Variants in LY96 observed in about 807,000 individuals in gnomAD.
LY96 encodes lymphocyte antigen 96, also known as myeloid differentiation protein-2.
LY96 carries 18 observed loss-of-function variants against 18.9 expected under a neutral mutation model. That is an observed-to-expected ratio of 0.95 (90% CI 0.66 to 1.41). LY96 has a LOEUF of 1.41. Ranked by LOEUF, LY96 falls within the 40% of genes most tolerant of loss-of-function variation. The pLI is 0.00. For synonymous variants in LY96, 66 were observed against 62.6 expected, an observed-to-expected ratio of 1.06 and a Z score of -0.26; for missense variants, 175 against 182.4, an observed-to-expected ratio of 0.96 and a Z score of 0.23.
At chr8:74,022,930 C>A (rs981228294) in intron 3 of LY96, among the ~76,000 whole-genome samples, 1 of 152,114 alleles carries the variant, frequency 6.6e-6, no homozygotes, top group African/African-American at 2.4e-5. Context: ...ATCCATCTTC[C>A]TCCCCTGCCC....
At chr8:74,075,858 T>C in the LY96 span, among the ~76,000 whole-genome samples, 3 of 152,110 alleles carry the variant, frequency 2.0e-5, no homozygotes, top group African/African-American at 4.8e-5. Context: ...CTGTTGCAAA[T>C]TGGATTCTCT....
chr8:74,053,322 T>A, the LY96 span, among the ~76,000 whole-genome samples: 1 of 152,230 alleles, frequency 6.6e-6, no homozygotes, highest in Non-Finnish European at 1.5e-5. Context: ...ATCTAACCCA[T>A]ATCTCAGTCA....
chr8:74,068,958 C>T, the LY96 span, among the ~76,000 whole-genome samples: 1 of 152,184 alleles, frequency 6.6e-6, no homozygotes, highest in African/African-American at 2.4e-5. Context: ...CCATGCCTGG[C>T]TAATTTTTGC....
At chr8:74,018,767 A>T (rs1816696805) in intron 3 of LY96, among the ~76,000 whole-genome samples, 1 of 152,224 alleles carries the variant, frequency 6.6e-6, no homozygotes, top group African/African-American at 2.4e-5. Context: ...GGATTAAGAA[A>T]CTCACTAAAA....
At chr8:74,014,527 G>A (rs993011568) in intron 3 of LY96, among the ~76,000 whole-genome samples, 2 of 148,738 alleles carry the variant, frequency 1.3e-5, no homozygotes, top group African/African-American at 5.0e-5. Flanking sequence ...ATGAGTTCTG[G>A]CTTGGGCATG....
At chr8:74,027,349 CCCAGG>C (rs983828008) in intron 4 of LY96, among the ~76,000 whole-genome samples, 1 of 149,994 alleles carries the variant, frequency 6.7e-6, no homozygotes, top group Non-Finnish European at 1.5e-5. Context: ...TGCTCTGTTG[CCCAGG>C]CTGGAGTGAA....
chr8:74,063,662 T>C, the LY96 span, among the ~76,000 whole-genome samples: 1 of 152,086 alleles, frequency 6.6e-6, no homozygotes. Flanking sequence ...TCTATTTATT[T>C]AGATCTATGA....
At chr8:74,056,665 C>G in the LY96 span, 2 of 153,072 alleles carry the variant, frequency 1.3e-5, no homozygotes, top group African/African-American at 4.8e-5. Context: ...AGACTTTTAA[C>G]GGTGACAAAA....
chr8:74,092,453 C>T, the LY96 span, among the ~76,000 whole-genome samples: 39 of 152,196 alleles, frequency 2.6e-4, no homozygotes, highest in Non-Finnish European at 1.2e-4. Context: ...CTCTTCTATA[C>T]AAGTTGCCAT....
At chr8:74,067,777 C>T in the LY96 span, among the ~76,000 whole-genome samples, 2 of 151,830 alleles carry the variant, frequency 1.3e-5, no homozygotes, top group African/African-American at 4.8e-5. Context: ...TAAAACATTT[C>T]CAGACCGGGC....
rs1239851286 is a variant in LY96 at position 74,002,086 on chromosome 8, T to C, written c.113-2710T>C. Among the ~76,000 whole-genome samples, 4 of 33,494 alleles carry C rather than the reference T, an allele frequency of 1.2e-4. 1 individual carries two copies. The highest frequency in any genetic ancestry group is 2.2e-4 in the Non-Finnish European group (4 of 17,824). 22.0% of individuals were successfully genotyped at this position (33,494 alleles called of 152,430 possible). On this transcript the variant is annotated intron_variant, in intron 1 of 4. Coordinates refer to ENST00000284818, the MANE Select transcript of LY96 (RefSeq NM_015364.5). ...TCCTTCCTTCCTTCCTTTCTTTCTT[T>C]CTTTCTTTCTCTCTCTCTCTCTCTC... is the stretch of plus-strand genomic sequence containing the variant.
At chr8:74,059,681 C>G in the LY96 span, among the ~76,000 whole-genome samples, 9 of 152,230 alleles carry the variant, frequency 5.9e-5, 1 homozygote, top group African/African-American at 2.2e-4. Flanking sequence ...AAATGGATTA[C>G]AGGTCTAAAT....
At chr8:74,093,083 T>C in the LY96 span, among the ~76,000 whole-genome samples, 1 of 152,206 alleles carries the variant, frequency 6.6e-6, no homozygotes, top group African/African-American at 2.4e-5. Flanking sequence ...CTCTCTACCT[T>C]GTCATTCTGG....
the LY96 span, among the ~76,000 whole-genome samples, chr8:74,040,502 A>T: frequency 6.6e-6 from 1 of 152,024 alleles, no homozygotes; most frequent in Non-Finnish European, 1.5e-5. Context: ...TTTTGATTTG[A>T]TTTGTATACA....
chr8:74,010,037 T>A lies in LY96; in HGVS notation c.239T>A (p.Ile80Lys). The stretch of plus-strand genomic sequence containing the variant: ...AAGCAATTATATTTCAATCTCTATA[T>A]AACTGTCAACACCATGAATCTTCCA... Reference protein sequence around the residue: ...DLKQLYFNLYITVNTMNLPKR... With the variant: ...DLKQLYFNLYKTVNTMNLPKR... The change falls in exon 3 of 5, where the codon ATA (isoleucine) becomes AAA (lysine). Residue 80 changes from isoleucine to lysine, a missense_variant. Physicochemically the swap from Ile to Lys is moderately radical, Grantham distance 102 (BLOSUM62 -3). Transcript: ENST00000284818. The A allele has an allele frequency of 1.2e-6, 2 of 1,607,490 alleles. No homozygotes were observed. The highest frequency in any genetic ancestry group is 2.2e-5 in the East Asian group (1 of 44,730).
At chr8:74,080,992 TTCTTTCTTTCTTTCTTTC>T in the LY96 span, among the ~76,000 whole-genome samples, 1 of 75,792 alleles carries the variant, frequency 1.3e-5, no homozygotes, top group African/African-American at 7.6e-5. Context: ...CTCTCTTTCT[TTCTTTCTTTCTTTCTTTC>T]TTTCTTTCTT....
At chr8:74,061,120 A>C in the LY96 span, among the ~76,000 whole-genome samples, 1 of 152,126 alleles carries the variant, frequency 6.6e-6, no homozygotes, top group African/African-American at 2.4e-5. Context: ...TCCCTTCTCT[A>C]GGCTCCTGTG....
At chr8:74,038,699 CT>C in the LY96 span, among the ~76,000 whole-genome samples, 1 of 152,110 alleles carries the variant, frequency 6.6e-6, no homozygotes, top group Non-Finnish European at 1.5e-5. Flanking sequence ...GACTCTCATT[CT>C]TTTTTGTGGC....
chr8:74,072,038 G>A, the LY96 span, among the ~76,000 whole-genome samples: 1 of 152,106 alleles, frequency 6.6e-6, no homozygotes, highest in Admixed American at 6.5e-5. Context: ...GAGATAAATA[G>A]GAATGGGATT....
Sources: gnomAD v4.1 joint callset for allele counts (sites outside exome capture counted in the v4.1 genomes callset) on GRCh38, gnomAD v4.1.1 for gene constraint, MANE v1.5 for transcripts, NCBI Gene and HGNC (gene_info 2026-07-23, HGNC 2026-07-21) for gene names.